The following DEPTOR variants were observed in gnomAD, a reference collection of about 807,000 sequenced individuals.
DEPTOR encodes DEP domain containing MTOR interacting protein, also known as DEP domain-containing mTOR-interacting protein.
A neutral mutation model predicts 41.6 loss-of-function variants in DEPTOR; 41 were observed. That is an observed-to-expected ratio of 0.98 (90% confidence interval 0.77 to 1.28). DEPTOR has a LOEUF of 1.28. Among genes scored for constraint, DEPTOR ranks in the 50% most tolerant of loss-of-function variants. The pLI is 0.00. For missense variants in DEPTOR, 514 were observed against 527.9 expected (o/e 0.97, Z 0.26); for synonymous variants, 195 against 192.3 (o/e 1.01, Z -0.12).
intron 3 of DEPTOR, among the ~76,000 whole-genome samples, chr8:119,935,550 G>C (rs1415087944): frequency 6.6e-6 from 1 of 151,954 alleles, no homozygotes; most frequent in Non-Finnish European, 1.5e-5. Context: ...GTGAAACCCT[G>C]TCTCTACTAA....
intron 1 of DEPTOR, among the ~76,000 whole-genome samples, chr8:119,915,541 C>T (rs1475644741): frequency 2.0e-5 from 3 of 152,158 alleles, no homozygotes; most frequent in Non-Finnish European, 4.4e-5. Context: ...CTTCTGTTTC[C>T]ACAGTGGCGC....
At chr8:120,039,004 C>T (rs1204256636) in intron 8 of DEPTOR, among the ~76,000 whole-genome samples, 1 of 152,216 alleles carries the variant, frequency 6.6e-6, no homozygotes, top group Non-Finnish European at 1.5e-5. Flanking sequence ...AAGAAGTAGT[C>T]TGGGGATATG....
intron 1 of DEPTOR, among the ~76,000 whole-genome samples, chr8:119,898,313 G>A (rs1054974568): frequency 6.6e-6 from 1 of 152,114 alleles, no homozygotes; most frequent in Non-Finnish European, 1.5e-5. Context: ...GTTTCTATAC[G>A]GTTAAACTAA....
At chr8:119,942,075 A>G (rs992585800) in intron 3 of DEPTOR, among the ~76,000 whole-genome samples, 2 of 152,100 alleles carry the variant, frequency 1.3e-5, no homozygotes, top group African/African-American at 4.8e-5. Context: ...ATATATGGCA[A>G]TTTGTTAACA....
intron 1 of DEPTOR, among the ~76,000 whole-genome samples, chr8:119,908,667 A>ATTTTTTTTTTTTTTTTTTTT (rs1827699369): frequency 6.6e-6 from 1 of 152,082 alleles, no homozygotes; most frequent in African/African-American, 2.4e-5. Context: ...CGCCTGGCTA[A>ATTTTTTTTTTTTTTTTTTTT]TTTTTGTATT....
At chr8:119,945,984 G>T (rs1324282403) in intron 3 of DEPTOR, among the ~76,000 whole-genome samples, 1 of 152,202 alleles carries the variant, frequency 6.6e-6, no homozygotes, top group Non-Finnish European at 1.5e-5. Flanking sequence ...CATGATGAAA[G>T]GCTTTGTCCA....
intron 8 of DEPTOR, among the ~76,000 whole-genome samples, chr8:120,019,999 C>T (rs1812674798): frequency 6.6e-6 from 1 of 152,134 alleles, no homozygotes; most frequent in Admixed American, 6.6e-5. Flanking sequence ...TCCCCCATCA[C>T]CAGCACTGCA....
intron 3 of DEPTOR, among the ~76,000 whole-genome samples, chr8:119,939,685 G>A (rs1828176568): frequency 6.6e-6 from 1 of 152,012 alleles, no homozygotes; most frequent in Non-Finnish European, 1.5e-5. Context: ...ATGTTGGCCA[G>A]GTTGATCTTG....
intron 1 of DEPTOR, among the ~76,000 whole-genome samples, chr8:119,897,796 T>A (rs6469862): frequency 2.6e-5 from 4 of 151,998 alleles, no homozygotes; most frequent in Admixed American, 2.0e-4. Flanking sequence ...CGCCTGGCCC[T>A]TTTACTGTTC....
chr8:119,991,088 T>TTTTC lies in DEPTOR; in HGVS notation c.605-10409_605-10406dup, dbSNP rs1206272230. Among the ~76,000 whole-genome samples the TTTTC allele has an allele frequency of 3.2e-3, 147 of 45,804 alleles. 3 individuals carry two copies. Among genetic ancestry groups the TTTTC allele is most frequent in the East Asian group, 0.017 (11 of 656 alleles). The allele number at this position is 45,804 out of a possible 152,430, so 30.0% of individuals were successfully genotyped here. A position where few individuals can be genotyped will look rare whatever the true frequency, so the allele number is the denominator to read the frequency against. On this transcript the variant is annotated intron_variant, in intron 4 of 8. Transcript: ENST00000286234. The stretch of plus-strand genomic sequence containing the variant: ...TTTCTTTCTTTCTTTCTTTCTTTCT[T>TTTTC]TTTCTTTCTTTCTTTCTTTCTTTCT...
intron 1 of DEPTOR, among the ~76,000 whole-genome samples, chr8:119,926,444 T>C (rs905392926): frequency 2.0e-5 from 3 of 152,196 alleles, no homozygotes; most frequent in Non-Finnish European, 4.4e-5. Context: ...ATATCCCCCA[T>C]AAGGTTGTCA....
In DEPTOR at chr8:119,945,880, A is replaced by G. The variant is rs1326599876; in HGVS notation, c.425+15942A>G. ...AGCAACGGGGTTGGGGCCTTCTGAG[A>G]GAAGAGGCACGTATTGAAGTAAAAG... On this transcript the variant is annotated intron_variant, in intron 3 of 8. Coordinates refer to ENST00000286234, the MANE Select transcript of DEPTOR (RefSeq NM_022783.4). 2.0e-5 allele frequency among the ~76,000 whole-genome samples: 3 copies of G among 152,194 alleles called. No individual in the cohort carries two copies. The East Asian group carries it at 5.8e-4, about 29-fold the overall frequency.
intron 1 of DEPTOR, among the ~76,000 whole-genome samples, chr8:119,901,699 G>A (rs1355875216): frequency 2.0e-5 from 3 of 147,890 alleles, no homozygotes; most frequent in East Asian, 2.0e-4. Flanking sequence ...AAAAAAGAAC[G>A]AAAGATGTGA....
At chr8:119,955,356 C>T (rs557575059) in intron 3 of DEPTOR, among the ~76,000 whole-genome samples, 61 of 152,288 alleles carry the variant, frequency 4.0e-4, no homozygotes, top group African/African-American at 1.5e-3. Flanking sequence ...GAAAACATGC[C>T]TAATCCAAGC....
intron 4 of DEPTOR, among the ~76,000 whole-genome samples, chr8:119,968,288 T>C (rs1162164966): frequency 1.3e-5 from 2 of 151,656 alleles, no homozygotes; most frequent in Admixed American, 1.3e-4. Context: ...AAAAATGTAT[T>C]GTGATAAGAA....
chr8:119,954,871 T>TGG (rs1212691580), intron 3 of DEPTOR, among the ~76,000 whole-genome samples: 12 of 151,820 alleles, frequency 7.9e-5, no homozygotes, highest in Non-Finnish European at 1.5e-4. Flanking sequence ...TGTGTGTGTG[T>TGG]GTGTTTTGAG....
chr8:119,960,183 C>T (rs1828472113), intron 3 of DEPTOR, among the ~76,000 whole-genome samples: 1 of 151,332 alleles, frequency 6.6e-6, no homozygotes, highest in Non-Finnish European at 1.5e-5. Flanking sequence ...AAGATCATGC[C>T]ACTGCACTCC....
intron 6 of DEPTOR, among the ~76,000 whole-genome samples, chr8:120,005,758 G>C (rs1199149156): frequency 1.3e-5 from 2 of 152,168 alleles, no homozygotes. Context: ...TGGATGGGGG[G>C]GTTCATTATC....
chr8:119,985,945 G>A (rs1050100652), intron 4 of DEPTOR, among the ~76,000 whole-genome samples: 3 of 142,508 alleles, frequency 2.1e-5, no homozygotes, highest in African/African-American at 7.8e-5. Context: ...TGGGTCTCCT[G>A]AATACAGCAC....
Sources: allele counts gnomAD v4.1 joint callset (sites outside exome capture counted in the v4.1 genomes callset), GRCh38; gene constraint gnomAD v4.1.1; transcripts MANE v1.5; gene names NCBI Gene and HGNC (gene_info 2026-07-23, HGNC 2026-07-21).